Variants in CLPX observed in about 807,000 individuals in gnomAD.
CLPX encodes ATP-dependent clpX-like chaperone, mitochondrial.
In CLPX, 34 loss-of-function variants were observed where a neutral mutation model predicts 76.4. The observed-to-expected ratio is 0.45, with a 90% CI of 0.34 to 0.59. The LOEUF (loss-of-function observed/expected upper bound fraction) is 0.59. Ranked by LOEUF, CLPX falls within the 20% of genes least tolerant of loss-of-function variation. The pLI is 0.01. For missense variants in CLPX, 613 were observed against 757.0 expected (o/e 0.81, Z 2.23); for synonymous variants, 248 against 270.9 (o/e 0.92, Z 0.83).
At chr15:65,154,498 G>C (rs995101723) in intron 11 of CLPX, among the ~76,000 whole-genome samples, 3 of 152,170 alleles carry the variant, frequency 2.0e-5, no homozygotes, top group African/African-American at 7.2e-5. Flanking sequence ...AAGACTGAAA[G>C]GACAATCCTG....
intron 4 of CLPX, among the ~76,000 whole-genome samples, chr15:65,166,249 C>CT (rs900192340): frequency 1.2e-3 from 176 of 147,154 alleles, no homozygotes; most frequent in Middle Eastern, 3.4e-3. Flanking sequence ...TAATTGCAGG[C>CT]TTTTTTTTTT....
chr15:65,169,442 G>A, intron 3 of CLPX, among the ~76,000 whole-genome samples: 1 of 152,114 alleles, frequency 6.6e-6, no homozygotes, highest in Non-Finnish European at 1.5e-5. Context: ...ATGTTGGCGG[G>A]GCACAGTGGC....
Position 65,155,732 on chromosome 15 carries a change from T to C in CLPX, c.1271A>G (p.Asn424Ser), listed in dbSNP as rs147893822. The C allele has an allele frequency of 1.3e-4, 217 of 1,614,118 alleles. No homozygotes were observed. The highest frequency in any genetic ancestry group is 5.2e-4 in the South Asian group (47 of 91,078). ...NILFVASGAF[N>S]GLDRIISRRK... is the part of the protein sequence containing the mutation. The stretch of plus-strand genomic sequence containing the variant: ...CCTGCTGATGATTCTGTCTAAACCA[T>C]TGAAAGCACCAGATGCCACAAACAG... Residue 424 changes from asparagine (N) to serine (S), a missense_variant, in exon 10 of 14, where the codon AAT becomes AGT. Asn to Ser is a conservative substitution (Grantham distance 46). This residue lies in a region of CLPX where 450 missense variants were observed against 638.6 expected (regional missense o/e 0.70). Transcript: ENST00000300107.
At chr15:65,161,117 T>C (rs1013223715) in intron 6 of CLPX, among the ~76,000 whole-genome samples, 1 of 152,206 alleles carries the variant, frequency 6.6e-6, no homozygotes, top group African/African-American at 2.4e-5. Flanking sequence ...GTTTTATAAG[T>C]GTTACAGAAG....
At chr15:65,157,433 C>T (rs530216935) in intron 8 of CLPX, among the ~76,000 whole-genome samples, 1 of 152,300 alleles carries the variant, frequency 6.6e-6, no homozygotes, top group South Asian at 2.1e-4. Context: ...TCCCTTGCCC[C>T]TGCCCTGTCC....
chr15:65,160,623 T>TCA lies in CLPX; in HGVS notation c.716-1874_716-1873dup, dbSNP rs375655324. ...CTCTCTCTCTCTCTCTCTCTCTCTCTCACACACACACACACACACACACAC... is the reference window on the plus strand; with the variant it reads ...CTCTCTCTCTCTCTCTCTCTCTCTCTCACACACACACACACACACACACACAC... On this transcript the variant is annotated intron_variant, in intron 6 of 13. Coordinates refer to ENST00000300107, the MANE Select transcript of CLPX (RefSeq NM_006660.5). Among the ~76,000 whole-genome samples, 895 of 101,004 alleles carry TCA rather than the reference T, an allele frequency of 8.9e-3. 6 individuals are homozygous for TCA. The highest frequency in any genetic ancestry group is 0.011 in the Non-Finnish European group (533 of 47,864). The allele number at this position is 101,004 out of a possible 152,430, so 66.3% of individuals were successfully genotyped here.
chr15:65,152,341 T>C lies in CLPX; in HGVS notation c.1811+89A>G, dbSNP rs138722027. The C allele has an allele frequency of 1.5e-3, 705 of 478,342 alleles. 2 individuals are homozygous for C. The Middle Eastern group carries it at 0.016, about 11-fold the overall frequency. The allele number at this position is 478,342 out of a possible 1,614,324, so 29.6% of individuals were successfully genotyped here. A position where few individuals can be genotyped will look rare whatever the true frequency, so the allele number is the denominator to read the frequency against. Reference sequence around the variant, plus strand: ...TCCCTTAGAAATATAATAATTTTTATGTAATTTTAAAATGACAAACCAATA... The same window carrying C: ...TCCCTTAGAAATATAATAATTTTTACGTAATTTTAAAATGACAAACCAATA... On this transcript the variant is annotated intron_variant, in intron 13 of 13. Transcript: ENST00000300107.
chr15:65,180,513 G>GT (rs1263913982), intron 1 of CLPX, among the ~76,000 whole-genome samples: 1 of 152,238 alleles, frequency 6.6e-6, no homozygotes, highest in Non-Finnish European at 1.5e-5. Flanking sequence ...TGCCTCACCT[G>GT]TAAGATTTTG....
intron 4 of CLPX, 54 bp from the exon 5 acceptor site, chr15:65,164,242 A>C: frequency 7.0e-7 from 1 of 1,437,240 alleles, no homozygotes. Flanking sequence ...AAGAGCACAC[A>C]CATTAAAAAG....
Position 65,162,660 on chromosome 15 carries a change from GA to G in CLPX, c.674-16del. 1 of 1,506,462 alleles carries G rather than the reference GA, an allele frequency of 6.6e-7. No individual in the cohort carries two copies. The highest frequency in any genetic ancestry group is 1.2e-5 in the South Asian group (1 of 86,712). The allele number at this position is 1,506,462 out of a possible 1,614,324, so 93.3% of individuals were successfully genotyped here. A position where few individuals can be genotyped will look rare whatever the true frequency, so the allele number is the denominator to read the frequency against. ...TATTTCTAACTCTAAGAAAGAGGAT[GA>G]AAATATTACATATTTGTTTACCTTG... On this transcript the variant is annotated splice_polypyrimidine_tract_variant and intron_variant, in intron 5 of 13. Coordinates refer to ENST00000300107, the MANE Select transcript of CLPX (RefSeq NM_006660.5).
In CLPX at chr15:65,183,473, A is replaced by G. The variant is rs1266790365; in HGVS notation, c.79+1602T>C. On this transcript the variant is annotated intron_variant, in intron 1 of 13. Transcript: ENST00000300107. ...GAGACTCTGTCTCAAAAAAAAAAAA[A>G]AAAAAAAAAGAAAGAAAATAAGACA... is the stretch of plus-strand genomic sequence containing the variant. Among the ~76,000 whole-genome samples the G allele has an allele frequency of 2.7e-5, 4 of 150,772 alleles. No individual in the cohort carries two copies. In the East Asian group the frequency reaches 7.7e-4, roughly 29 times the overall value.
At chr15:65,180,293 A>G (rs899388323) in intron 1 of CLPX, 89 bp from the exon 2 acceptor site, 10 of 976,082 alleles carry the variant, frequency 1.0e-5, no homozygotes, top group South Asian at 7.5e-5. Flanking sequence ...AAGGAGGTTG[A>G]AAAAAAGCTA....
chr15:65,179,783 C>T (rs1345786526), intron 2 of CLPX, among the ~76,000 whole-genome samples: 1 of 152,132 alleles, frequency 6.6e-6, no homozygotes, highest in Non-Finnish European at 1.5e-5. Flanking sequence ...CTAATTCAAT[C>T]CTACTGACTG....
At chr15:65,173,571 T>C (rs2088043809) in intron 3 of CLPX, among the ~76,000 whole-genome samples, 1 of 152,088 alleles carries the variant, frequency 6.6e-6, no homozygotes, top group South Asian at 2.1e-4. Flanking sequence ...GTTAGAAACA[T>C]ATGTCCACAC....
chr15:65,185,186 TG>T lies in CLPX; in HGVS notation c.-34del. 6.6e-7 allele frequency: 1 copy of T among 1,526,432 alleles called. No homozygotes were observed. The highest frequency in any genetic ancestry group is 8.9e-7 in the Non-Finnish European group (1 of 1,125,036). 94.6% of individuals were successfully genotyped at this position (1,526,432 alleles called of 1,614,324 possible). On this transcript the variant is annotated 5_prime_UTR_variant, in exon 1 of 14. Transcript: ENST00000300107. ...AGGCCTAGGCCGGGGCTTCGCCCCC[TG>T]AGGACCTCCGGGTCACAGCGGCGTG...
intron 4 of CLPX, among the ~76,000 whole-genome samples, chr15:65,165,552 T>C (rs2087901004): frequency 6.6e-6 from 1 of 151,394 alleles, no homozygotes; most frequent in Admixed American, 6.6e-5. Context: ...CCGGGCTAAT[T>C]TTTTGTATTT....
In CLPX at chr15:65,185,182, C is replaced by A; in HGVS notation, c.-29G>T. Reference sequence around the variant, plus strand: ...CGCGAGGCCTAGGCCGGGGCTTCGCCCCCTGAGGACCTCCGGGTCACAGCG... The same window carrying A: ...CGCGAGGCCTAGGCCGGGGCTTCGCACCCTGAGGACCTCCGGGTCACAGCG... On this transcript the variant is annotated 5_prime_UTR_variant, in exon 1 of 14. Transcript: ENST00000300107. 1.3e-6 allele frequency: 2 copies of A among 1,532,380 alleles called. No individual in the cohort carries two copies. The highest frequency in any genetic ancestry group is 1.2e-5 in the South Asian group (1 of 83,514). The allele number at this position is 1,532,380 out of a possible 1,614,324, so 94.9% of individuals were successfully genotyped here. A position where few individuals can be genotyped will look rare whatever the true frequency, so the allele number is the denominator to read the frequency against.
Position 65,160,623 on chromosome 15 carries a change from T to TCTCTCACACA in CLPX, c.716-1873_716-1872insTGTGTGAGAG, listed in dbSNP as rs1219208926. Among the ~76,000 whole-genome samples the TCTCTCACACA allele has an allele frequency of 1.6e-4, 16 of 101,024 alleles. 1 individual carries two copies. The highest frequency in any genetic ancestry group is 5.7e-4 in the African/African-American group (15 of 26,540). The allele number at this position is 101,024 out of a possible 152,430, so 66.3% of individuals were successfully genotyped here. The stretch of plus-strand genomic sequence containing the variant: ...CTCTCTCTCTCTCTCTCTCTCTCTC[T>TCTCTCACACA]CACACACACACACACACACACACAC... On this transcript the variant is annotated intron_variant, in intron 6 of 13. Coordinates refer to ENST00000300107, the MANE Select transcript of CLPX (RefSeq NM_006660.5).
At chr15:65,151,248 G>C (rs1351327777) in intron 13 of CLPX, among the ~76,000 whole-genome samples, 2 of 150,310 alleles carry the variant, frequency 1.3e-5, no homozygotes, top group Admixed American at 6.7e-5. Flanking sequence ...AGGAGGCTGA[G>C]GCAAGGGAAT....
Sources: allele counts gnomAD v4.1 joint callset (sites outside exome capture counted in the v4.1 genomes callset), GRCh38; gene constraint gnomAD v4.1.1; regional missense constraint gnomAD v4.1.1; transcripts MANE v1.5; gene names NCBI Gene and HGNC (gene_info 2026-07-23, HGNC 2026-07-21).